RAD51B: variants seen among roughly 807,000 people sequenced by gnomAD.
RAD51B encodes RAD51 paralog B.
In RAD51B, 38 loss-of-function variants were observed where a neutral mutation model predicts 42.2. The ratio of observed to expected loss-of-function variants is 0.90; its 90% CI spans 0.70 to 1.18. The LOEUF (loss-of-function observed/expected upper bound fraction) is 1.18, where lower values mean the gene tolerates loss of function less well. Among genes scored for constraint, RAD51B ranks in the 50% most tolerant of loss-of-function variants. RAD51B has a pLI of 0.00. For synonymous variants in RAD51B, 154 were observed against 145.2 expected (o/e 1.06, Z -0.43); for missense variants, 373 against 400.7 (o/e 0.93, Z 0.59).
intron 9 of RAD51B, among the ~76,000 whole-genome samples, chr14:68,415,593 A>AT (rs747249757): frequency 6.6e-6 from 1 of 152,164 alleles, no homozygotes; most frequent in Non-Finnish European, 1.5e-5. Flanking sequence ...AGTCTAGAGG[A>AT]GATGGGGGGT....
intron 7 of RAD51B, among the ~76,000 whole-genome samples, chr14:67,959,120 G>C (rs2074607256): frequency 6.6e-6 from 1 of 151,878 alleles, no homozygotes; most frequent in Non-Finnish European, 1.5e-5. Flanking sequence ...TCATTTTTAT[G>C]TTTTATTCTA....
chr14:68,347,049 A>G lies in RAD51B; in HGVS notation c.853+55069A>G, dbSNP rs144567725. Among the ~76,000 whole-genome samples, 32 of 152,204 alleles carry G rather than the reference A, an allele frequency of 2.1e-4. No individual in the cohort carries two copies. The East Asian group carries it at 6.2e-3, about 29-fold the overall frequency. ...ACTTCACCCTTAGGAAGAATGAAGC[A>G]TCTTCTTCCTCTTCTTCCCTTCCAT... On this transcript the variant is annotated intron_variant, in intron 8 of 10. Transcript: ENST00000471583.
At chr14:68,449,888 G>A (rs1414931631) in intron 9 of RAD51B, among the ~76,000 whole-genome samples, 17 of 152,096 alleles carry the variant, frequency 1.1e-4, no homozygotes, top group Non-Finnish European at 2.5e-4. Context: ...AACTCGGTCT[G>A]AATATTGAAG....
chr14:67,978,903 T>C (rs550380439), intron 7 of RAD51B, among the ~76,000 whole-genome samples: 136 of 152,348 alleles, frequency 8.9e-4, no homozygotes, highest in African/African-American at 3.2e-3. Flanking sequence ...GACTAACTTT[T>C]GCCACATGAA....
intron 11 of RAD51B, among the ~76,000 whole-genome samples, chr14:68,678,401 G>A (rs1456690141): frequency 6.6e-6 from 1 of 152,154 alleles, no homozygotes; most frequent in African/African-American, 2.4e-5. Flanking sequence ...CTCACTTTAC[G>A]CTCTTCTTTG....
intron 7 of RAD51B, among the ~76,000 whole-genome samples, chr14:68,105,725 G>A (rs879755938): frequency 6.6e-6 from 1 of 151,842 alleles, no homozygotes; most frequent in Non-Finnish European, 1.5e-5. Context: ...GTAGACTTTT[G>A]CTTTTATTAT....
intron 4 of RAD51B, among the ~76,000 whole-genome samples, chr14:67,845,282 G>A (rs983012932): frequency 5.9e-5 from 9 of 152,250 alleles, no homozygotes; most frequent in Middle Eastern, 3.4e-3. Flanking sequence ...AGGACCTCTC[G>A]TAAGGCAGGT....
At chr14:68,356,982 C>CAA (rs34774624) in intron 8 of RAD51B, among the ~76,000 whole-genome samples, 43,595 of 91,884 alleles carry the variant, frequency 0.47, 11,568 homozygotes, top group Admixed American at 0.62. Flanking sequence ...GACTCCGTCT[C>CAA]AAAAAAAAAA....
At chr14:68,456,921 T>TTTTC (rs2085707577) in intron 9 of RAD51B, among the ~76,000 whole-genome samples, 1 of 106,378 alleles carries the variant, frequency 9.4e-6, no homozygotes, top group Non-Finnish European at 1.8e-5. Context: ...TTTTTTTTTT[T>TTTTC]GCTTTTTTTG....
At chr14:68,130,371 G>T (rs2077862142) in intron 7 of RAD51B, among the ~76,000 whole-genome samples, 1 of 152,184 alleles carries the variant, frequency 6.6e-6, no homozygotes, top group African/African-American at 2.4e-5. Context: ...TGTGTTTAAA[G>T]ATTGGGTTTT....
At chr14:68,568,953 T>C (rs1397891047) in intron 10 of RAD51B, among the ~76,000 whole-genome samples, 1 of 152,196 alleles carries the variant, frequency 6.6e-6, no homozygotes, top group African/African-American at 2.4e-5. Context: ...TAAGTGGTCA[T>C]TGGCCACCAT....
intron 7 of RAD51B, among the ~76,000 whole-genome samples, chr14:68,018,866 A>G (rs966822217): frequency 1.3e-5 from 2 of 152,206 alleles, no homozygotes; most frequent in African/African-American, 4.8e-5. Context: ...GCCTAAGTTC[A>G]AAGTCTGATT....
At chr14:68,636,796 A>G (rs936993156) in intron 10 of RAD51B, among the ~76,000 whole-genome samples, 1 of 152,154 alleles carries the variant, frequency 6.6e-6, no homozygotes, top group Non-Finnish European at 1.5e-5. Context: ...AGATAAACAC[A>G]TACAAGAGCA....
chr14:68,236,587 G>C (rs1224881961), intron 7 of RAD51B: 2 of 152,192 alleles, frequency 1.3e-5, no homozygotes, highest in African/African-American at 4.8e-5. Flanking sequence ...AGAGTTTTAG[G>C]AGTTCACCAA....
Position 67,937,340 on chromosome 14 carries a change from A to G in RAD51B, c.756+50136A>G, listed in dbSNP as rs568719510. The stretch of plus-strand genomic sequence containing the variant: ...TTAGAGAAATGATAGGGATTGGGGT[A>G]GTGAGAAAAGAATAGTTGTTTCCTT... On this transcript the variant is annotated intron_variant, in intron 7 of 10. Transcript: ENST00000471583. Among the ~76,000 whole-genome samples the G allele has an allele frequency of 2.5e-4, 38 of 152,344 alleles. No individual in the cohort carries two copies. The Middle Eastern group carries it at 0.024, about 95-fold the overall frequency.
intron 10 of RAD51B, among the ~76,000 whole-genome samples, chr14:68,637,269 G>A (rs1009256850): frequency 1.3e-5 from 2 of 152,022 alleles, no homozygotes; most frequent in African/African-American, 4.8e-5. Flanking sequence ...TGTAGAGATG[G>A]GCTCTTGCTA....
intron 10 of RAD51B, among the ~76,000 whole-genome samples, chr14:68,593,227 A>T (rs1595008380): frequency 6.6e-6 from 1 of 152,142 alleles, no homozygotes; most frequent in African/African-American, 2.4e-5. Context: ...AAGTTAATGA[A>T]CCTCTCTGGG....
At chr14:68,513,532 G>A (rs878913073) in intron 10 of RAD51B, among the ~76,000 whole-genome samples, 7 of 152,316 alleles carry the variant, frequency 4.6e-5, no homozygotes, top group African/African-American at 1.2e-4. Context: ...AGACACATTC[G>A]GAAGAAGCAG....
intron 7 of RAD51B, among the ~76,000 whole-genome samples, chr14:68,209,204 A>C (rs558643244): frequency 6.6e-6 from 1 of 152,326 alleles, no homozygotes; most frequent in African/African-American, 2.4e-5. Flanking sequence ...CTAGCACTCA[A>C]GTATCTAATA....
Sources: gnomAD v4.1 joint callset for allele counts (sites outside exome capture counted in the v4.1 genomes callset) on GRCh38, gnomAD v4.1.1 for gene constraint, MANE v1.5 for transcripts, NCBI Gene and HGNC (gene_info 2026-07-23, HGNC 2026-07-21) for gene names.